The following ZNF385D variants were observed in gnomAD, a reference collection of about 807,000 sequenced individuals.
The protein encoded by ZNF385D is zinc finger protein 659.
A neutral mutation model predicts 35.8 loss-of-function variants in ZNF385D; 15 were observed. The observed-to-expected ratio is 0.42, with a 90% CI of 0.28 to 0.64. The LOEUF is 0.64. Ranked by LOEUF, ZNF385D falls within the 30% of genes least tolerant of loss-of-function variation. ZNF385D has a pLI of 0.23. For synonymous variants in ZNF385D, 212 were observed against 186.8 expected (o/e 1.13, Z -1.10); for missense variants, 474 against 494.6 (o/e 0.96, Z 0.39).
chr3:21,760,846 A>C (rs753624707), intron 3 of ZNF385D, among the ~76,000 whole-genome samples: 2 of 152,310 alleles, frequency 1.3e-5, no homozygotes, highest in Middle Eastern at 6.8e-3. Context: ...ATATTTTTGA[A>C]AGATTGGTTT....
chr3:21,768,165 T>G (rs1389452858), intron 3 of ZNF385D, among the ~76,000 whole-genome samples: 1 of 152,100 alleles, frequency 6.6e-6, no homozygotes, highest in Non-Finnish European at 1.5e-5. Context: ...GTCATGGGAC[T>G]TAATGCCTGC....
intron 3 of ZNF385D, among the ~76,000 whole-genome samples, chr3:21,834,141 C>A (rs1048141132): frequency 1.3e-5 from 2 of 152,102 alleles, no homozygotes; most frequent in African/African-American, 2.4e-5. Flanking sequence ...ATATTTCACA[C>A]ACATATAGCT....
intron 3 of ZNF385D, among the ~76,000 whole-genome samples, chr3:21,875,764 GT>G (rs1235717996): frequency 6.6e-6 from 1 of 152,060 alleles, no homozygotes; most frequent in East Asian, 1.9e-4. Context: ...TGCCACCACT[GT>G]TGTCATCTTC....
intron 3 of ZNF385D, among the ~76,000 whole-genome samples, chr3:21,908,238 G>T (rs1699797809): frequency 6.6e-6 from 1 of 151,646 alleles, no homozygotes; most frequent in South Asian, 2.1e-4. Context: ...GGAATGAGTA[G>T]AAAATTAGAT....
At chr3:22,357,363 G>T (rs1046121569) in intron 2 of ZNF385D, among the ~76,000 whole-genome samples, 1 of 151,868 alleles carries the variant, frequency 6.6e-6, no homozygotes, top group African/African-American at 2.4e-5. Flanking sequence ...ATGCAAGACA[G>T]ATAAATTAAT....
intron 3 of ZNF385D, among the ~76,000 whole-genome samples, chr3:22,029,359 T>C (rs259441): frequency 0.2 from 30,952 of 152,100 alleles, 4,288 homozygotes; most frequent in East Asian, 0.44. Flanking sequence ...TTAAGGTCAA[T>C]GGGAAACTAC....
intron 3 of ZNF385D, among the ~76,000 whole-genome samples, chr3:22,141,200 G>A (rs2125703657): frequency 6.6e-6 from 1 of 152,156 alleles, no homozygotes; most frequent in Non-Finnish European, 1.5e-5. Flanking sequence ...TCTCTTGGAT[G>A]CCGAATGTAC....
At chr3:21,499,298 A>T (rs1397553452) in intron 4 of ZNF385D, among the ~76,000 whole-genome samples, 5 of 152,248 alleles carry the variant, frequency 3.3e-5, no homozygotes, top group African/African-American at 9.6e-5. Context: ...CTATGTAAAC[A>T]TTAAAAAAGA....
intron 3 of ZNF385D, among the ~76,000 whole-genome samples, chr3:22,162,722 G>C (rs1460442926): frequency 2.0e-5 from 3 of 152,116 alleles, no homozygotes; most frequent in African/African-American, 7.2e-5. Flanking sequence ...CTCATATTTT[G>C]TATGCCTCCC....
intron 2 of ZNF385D, among the ~76,000 whole-genome samples, chr3:22,289,408 C>T (rs1317366433): frequency 6.6e-6 from 1 of 152,122 alleles, no homozygotes; most frequent in East Asian, 1.9e-4. Context: ...TTATCACTGG[C>T]ATAAGCCAGG....
At chr3:21,930,413 G>A (rs1054676718) in intron 3 of ZNF385D, among the ~76,000 whole-genome samples, 8 of 151,634 alleles carry the variant, frequency 5.3e-5, no homozygotes, top group African/African-American at 1.9e-4. Context: ...AAAAACACAA[G>A]CAACAAAATA....
chr3:21,765,728 GAGAA>G (rs2070801729), intron 3 of ZNF385D, among the ~76,000 whole-genome samples: 1 of 135,814 alleles, frequency 7.4e-6, no homozygotes, highest in Admixed American at 7.6e-5. Context: ...CACACAGAGA[GAGAA>G]AGAGAGAGAG....
At chr3:22,022,850 T>C (rs1386909198) in intron 3 of ZNF385D, among the ~76,000 whole-genome samples, 1 of 152,150 alleles carries the variant, frequency 6.6e-6, no homozygotes, top group East Asian at 1.9e-4. Context: ...AAAACGAATA[T>C]TTTTAAAAGA....
chr3:22,236,423 C>T (rs936903941), intron 2 of ZNF385D, among the ~76,000 whole-genome samples: 1 of 152,128 alleles, frequency 6.6e-6, no homozygotes, highest in African/African-American at 2.4e-5. Context: ...CCTCAAACTC[C>T]TGGCTTCAAG....
chr3:21,806,506 A>T (rs1003793423), intron 3 of ZNF385D, among the ~76,000 whole-genome samples: 1 of 152,036 alleles, frequency 6.6e-6, no homozygotes, highest in Non-Finnish European at 1.5e-5. Context: ...CGCCTGGCCA[A>T]TAGAGCTCGT....
At chr3:21,875,135 A>G (rs1331636761) in intron 3 of ZNF385D, among the ~76,000 whole-genome samples, 3 of 152,048 alleles carry the variant, frequency 2.0e-5, no homozygotes, top group African/African-American at 7.2e-5. Flanking sequence ...ATTAGTTCTA[A>G]CAGTTTTCTT....
chr3:22,298,170 A>G (rs1486618667), intron 2 of ZNF385D, among the ~76,000 whole-genome samples: 1 of 151,998 alleles, frequency 6.6e-6, no homozygotes, highest in Non-Finnish European at 1.5e-5. Context: ...GCTATTAAAG[A>G]TAAATTTTTA....
intron 2 of ZNF385D, among the ~76,000 whole-genome samples, chr3:21,600,750 G>A (rs1180688539): frequency 1.3e-5 from 2 of 151,774 alleles, no homozygotes; most frequent in African/African-American, 2.4e-5. Context: ...AGATAACAGT[G>A]TATTCATAAA....
At chr3:21,764,849 A>G (rs908057470) in intron 3 of ZNF385D, among the ~76,000 whole-genome samples, 3 of 152,112 alleles carry the variant, frequency 2.0e-5, no homozygotes, top group East Asian at 1.9e-4. Flanking sequence ...AAGTTGCGGT[A>G]TAAGTTTACA....
Sources: allele counts gnomAD v4.1 joint callset (sites outside exome capture counted in the v4.1 genomes callset), GRCh38; gene constraint gnomAD v4.1.1; transcripts MANE v1.5; gene names NCBI Gene and HGNC (gene_info 2026-07-23, HGNC 2026-07-21).